The following ANLN variants were observed in gnomAD, a reference collection of about 807,000 sequenced individuals.
ANLN encodes anillin, actin binding protein, also known as anillin.
Under a neutral mutation model 135.1 loss-of-function variants are expected in ANLN, and 59 were observed. That is an observed-to-expected ratio of 0.44 (90% CI 0.35 to 0.54). The LOEUF is 0.54. Among genes scored for constraint, ANLN ranks in the 20% least tolerant of loss-of-function variants. ANLN has a pLI of 0.00. For missense variants in ANLN, 1,182 were observed against 1,340.0 expected, an observed-to-expected ratio of 0.88 and a Z score of 1.84; for synonymous variants, 406 against 456.4, an observed-to-expected ratio of 0.89 and a Z score of 1.41.
chr7:36,433,633 C>T (rs963864201), intron 20 of ANLN, among the ~76,000 whole-genome samples: 1 of 152,168 alleles, frequency 6.6e-6, no homozygotes, highest in East Asian at 1.9e-4. Flanking sequence ...CTGCCCTGCT[C>T]TCTCCTTTCT....
At chr7:36,422,283 T>TTCTCTC (rs10560737) in intron 13 of ANLN, among the ~76,000 whole-genome samples, 3 of 150,136 alleles carry the variant, frequency 2.0e-5, no homozygotes, top group East Asian at 2.0e-4. Context: ...TACACATACA[T>TTCTCTC]TCTCTCTCTC....
Position 36,421,838 on chromosome 7 carries a change from C to T in ANLN, c.2164-19C>T. On this transcript the variant is annotated intron_variant, in intron 12 of 23. Coordinates refer to ENST00000265748, the MANE Select transcript of ANLN (RefSeq NM_018685.5). ...ATTTAAAATGTGTATATTTTTTCTC[C>T]TCTCATTGGTTTTCCTAGGAACTCA... The T allele has an allele frequency of 1.3e-6, 2 of 1,574,974 alleles. No homozygotes were observed. The highest frequency in any genetic ancestry group is 1.4e-5 in the African/African-American group (1 of 72,830).
chr7:36,410,619 C>T lies in ANLN; in HGVS notation c.1202C>T (p.Thr401Ile). The T allele has an allele frequency of 6.2e-7, 1 of 1,614,148 alleles. No homozygotes were observed. Among genetic ancestry groups the T allele is most frequent in the Non-Finnish European group, 8.5e-7 (1 of 1,180,016 alleles). Residue 401 changes from threonine to isoleucine, a missense_variant, in exon 6 of 24, where the codon ACT (threonine) becomes ATT (isoleucine). Physicochemically the swap from Thr to Ile is moderately conservative, Grantham distance 89. This residue lies in a region of ANLN where 1,022 missense variants were observed against 1,134.0 expected (regional missense o/e 0.90). Transcript: ENST00000265748. Reference sequence around the variant, plus strand: ...ACACCCCACAGAACCCCCATTATTACTCCAAATACAAAGGCCATCCAAGAA... The same window carrying T: ...ACACCCCACAGAACCCCCATTATTATTCCAAATACAAAGGCCATCCAAGAA... ...RSTPHRTPII[T>I]PNTKAIQERL...
At chr7:36,447,743 A>G (rs900202420) in intron 22 of ANLN, among the ~76,000 whole-genome samples, 2 of 152,196 alleles carry the variant, frequency 1.3e-5, no homozygotes, top group African/African-American at 2.4e-5. Context: ...GAGGATCCAC[A>G]TGCCAGGTGC....
intron 20 of ANLN, among the ~76,000 whole-genome samples, chr7:36,437,719 T>C (rs1788602736): frequency 6.6e-6 from 1 of 152,124 alleles, no homozygotes; most frequent in African/African-American, 2.4e-5. Context: ...AAATCCATGA[T>C]CACAAAGCTT....
At chr7:36,423,717 A>T in intron 14 of ANLN, 100 bp from the exon 15 acceptor site, 1 of 1,123,546 alleles carries the variant, frequency 8.9e-7, no homozygotes, top group Non-Finnish European at 1.2e-6. Flanking sequence ...TTGTATATAA[A>T]TCAGTTCAAT....
chr7:36,437,792 T>G (rs34665846), intron 20 of ANLN, among the ~76,000 whole-genome samples: 5,081 of 152,204 alleles, frequency 0.033, 90 homozygotes, highest in Middle Eastern at 0.075. Flanking sequence ...AATTTTTTTT[T>G]GAGAGTTTCA....
At chr7:36,411,015 A>G in intron 6 of ANLN, 44 bp from the exon 7 acceptor site, 1 of 1,518,964 alleles carries the variant, frequency 6.6e-7, no homozygotes, top group Non-Finnish European at 8.9e-7. Context: ...GATGTTAAAC[A>G]TGCTACCGGC....
chr7:36,398,242 G>A (rs1380994956), intron 2 of ANLN, among the ~76,000 whole-genome samples: 1 of 151,776 alleles, frequency 6.6e-6, no homozygotes, highest in African/African-American at 2.4e-5. Flanking sequence ...AATATGAAAT[G>A]TTAAATATTT....
At chr7:36,424,204 A>T (rs1270555947) in intron 15 of ANLN, among the ~76,000 whole-genome samples, 2 of 152,152 alleles carry the variant, frequency 1.3e-5, no homozygotes, top group African/African-American at 4.8e-5. Context: ...TGGACCATAG[A>T]TTTTTAACAT....
At chr7:36,435,543 T>C (rs1788497799) in intron 20 of ANLN, among the ~76,000 whole-genome samples, 1 of 152,076 alleles carries the variant, frequency 6.6e-6, no homozygotes, top group East Asian at 1.9e-4. Flanking sequence ...GTGTACTCTT[T>C]TGAATCTAAT....
intron 4 of ANLN, 143 bp downstream of exon 4, chr7:36,406,709 T>TA: frequency 1.2e-6 from 1 of 846,720 alleles, no homozygotes; most frequent in Non-Finnish European, 1.6e-6. Context: ...ATTTGTAAGA[T>TA]ATCGGTTTCT....
At chr7:36,430,594 T>C (rs1323382365) in intron 20 of ANLN, among the ~76,000 whole-genome samples, 1 of 152,172 alleles carries the variant, frequency 6.6e-6, no homozygotes, top group African/African-American at 2.4e-5. Flanking sequence ...TTTTAGGAAA[T>C]AGAAATGTCA....
chr7:36,439,418 C>T, intron 21 of ANLN, 128 bp downstream of exon 21: 1 of 596,262 alleles, frequency 1.7e-6, no homozygotes, highest in South Asian at 2.1e-5. Flanking sequence ...GTTTTATGTC[C>T]TTTATATGCC....
In ANLN at chr7:36,431,690, G is replaced by A. The variant is rs1231725547; in HGVS notation, c.2883+4662G>A. 2.0e-5 allele frequency among the ~76,000 whole-genome samples: 3 copies of A among 148,380 alleles called. No homozygotes were observed. In the East Asian group the frequency reaches 6.0e-4, roughly 30 times the overall value. On this transcript the variant is annotated intron_variant, in intron 20 of 23. Transcript: ENST00000265748. ...CATTGATGGAACCAATCCAGGCCTTGTATAACCAAAAGACTAGCAGTTGGC... is the reference window on the plus strand; with the variant it reads ...CATTGATGGAACCAATCCAGGCCTTATATAACCAAAAGACTAGCAGTTGGC...
chr7:36,418,920 A>T (rs533957362), intron 9 of ANLN, among the ~76,000 whole-genome samples: 1 of 151,160 alleles, frequency 6.6e-6, no homozygotes, highest in Non-Finnish European at 1.5e-5. Context: ...CGCCTGGCTA[A>T]TTTTTTTTGT....
intron 3 of ANLN, among the ~76,000 whole-genome samples, chr7:36,403,785 G>T (rs1238257272): frequency 6.6e-6 from 1 of 152,032 alleles, no homozygotes; most frequent in Non-Finnish European, 1.5e-5. Flanking sequence ...CCGAGTAGCT[G>T]GGACTATAGG....
At position 36,420,577 on chromosome 7, in the gene ANLN, G is replaced by T. The variant is rs766822082; in HGVS notation, c.2016-20G>T. ...AGTGTGTTGCTGGATTTCTAATAGA[G>T]TGTAACTTACCTCTTGAAGCATTGA... On this transcript the variant is annotated intron_variant, in intron 11 of 23. Coordinates refer to ENST00000265748, the MANE Select transcript of ANLN (RefSeq NM_018685.5). 6.2e-6 allele frequency: 10 copies of T among 1,601,238 alleles called. No homozygotes were observed. The highest frequency in any genetic ancestry group is 1.1e-5 in the South Asian group (1 of 90,732).
At chr7:36,420,399 G>A (rs992304588) in intron 11 of ANLN, 85 bp downstream of exon 11, 2 of 1,486,608 alleles carry the variant, frequency 1.3e-6, no homozygotes, top group African/African-American at 2.8e-5. Flanking sequence ...TAATTATAAT[G>A]TTATTAATAA....
Sources: allele counts gnomAD v4.1 joint callset (sites outside exome capture counted in the v4.1 genomes callset), GRCh38; gene constraint gnomAD v4.1.1; regional missense constraint gnomAD v4.1.1; transcripts MANE v1.5; gene names NCBI Gene and HGNC (gene_info 2026-07-23, HGNC 2026-07-21).